Variants in EYA3 observed in about 807,000 individuals in gnomAD.
EYA3 encodes protein phosphatase EYA3.
EYA3 carries 39 observed loss-of-function variants against 80.0 expected under a neutral mutation model. The ratio of observed to expected loss-of-function variants is 0.49; its 90% CI spans 0.38 to 0.64. The LOEUF is 0.64. Among genes scored for constraint, EYA3 ranks in the 30% least tolerant of loss-of-function variants. The probability of loss-of-function intolerance (pLI) is 0.00; values close to 1 mark genes in which losing one functional copy is unlikely to be tolerated. For synonymous variants in EYA3, 206 were observed against 232.8 expected, an observed-to-expected ratio of 0.88 and a Z score of 1.05; for missense variants, 523 against 676.1, an observed-to-expected ratio of 0.77 and a Z score of 2.51.
At chr1:27,992,882 T>G (rs955597490) in intron 14 of EYA3, among the ~76,000 whole-genome samples, 1 of 152,226 alleles carries the variant, frequency 6.6e-6, no homozygotes, top group Non-Finnish European at 1.5e-5. Flanking sequence ...TTCTAAATAA[T>G]AGAATTTTAG....
At chr1:27,993,916 G>A (rs1471103461) in intron 13 of EYA3, among the ~76,000 whole-genome samples, 1 of 152,160 alleles carries the variant, frequency 6.6e-6, no homozygotes, top group East Asian at 1.9e-4. Context: ...CACACACAGT[G>A]ATTGCAACTA....
At chr1:27,979,154 T>G (rs1639141375) in intron 16 of EYA3, among the ~76,000 whole-genome samples, 1 of 152,174 alleles carries the variant, frequency 6.6e-6, no homozygotes, top group Non-Finnish European at 1.5e-5. Flanking sequence ...CTGGTCATTG[T>G]GTCATAATGA....
intron 1 of EYA3, among the ~76,000 whole-genome samples, chr1:28,081,094 T>C (rs1645410609): frequency 6.6e-6 from 1 of 152,098 alleles, no homozygotes; most frequent in Non-Finnish European, 1.5e-5. Context: ...TAAGCAAGCC[T>C]CTGAAAGAGA....
rs1639823931 is a variant in EYA3, at chr1:27,988,650, A to G, written c.1425T>C (p.Asn475=). ...KSLLLIQSRK[N]CVNVLITTTQ... is the part of the protein sequence containing the mutation. The stretch of plus-strand genomic sequence containing the variant: ...TGGTAGTGATCAGAACATTCACACA[A>G]TTCTTTCTATAAGGGAGTAAAAGGG... Residue 475 remains asparagine, a synonymous_variant, in exon 16 of 18, where the codon AAT becomes AAC. Coordinates refer to ENST00000373871, the MANE Select transcript of EYA3 (RefSeq NM_001990.4). 6.2e-7 allele frequency: 1 copy of G among 1,613,684 alleles called. No individual in the cohort carries two copies.
intron 1 of EYA3, among the ~76,000 whole-genome samples, chr1:28,084,013 A>G (rs962068946): frequency 1.3e-5 from 2 of 152,224 alleles, no homozygotes; most frequent in South Asian, 2.1e-4. Context: ...ACCACAGCTA[A>G]TAAGTTAAAG....
At chr1:28,071,109 A>G (rs1477674191) in intron 1 of EYA3, among the ~76,000 whole-genome samples, 2 of 152,116 alleles carry the variant, frequency 1.3e-5, no homozygotes, top group Non-Finnish European at 2.9e-5. Context: ...TTTTTAGTAG[A>G]GATGGGGTTT....
At chr1:28,077,953 C>A (rs1444807600) in intron 1 of EYA3, among the ~76,000 whole-genome samples, 1 of 152,112 alleles carries the variant, frequency 6.6e-6, no homozygotes, top group African/African-American at 2.4e-5. Context: ...AGAACTAAGT[C>A]TTTTGAAATC....
intron 1 of EYA3, among the ~76,000 whole-genome samples, chr1:28,064,074 T>C (rs1297481939): frequency 1.3e-5 from 2 of 152,190 alleles, no homozygotes; most frequent in Non-Finnish European, 2.9e-5. Flanking sequence ...TCAACAGTAG[T>C]GGCTTAATTA....
chr1:27,986,604 C>G (rs1487438690), intron 16 of EYA3, among the ~76,000 whole-genome samples: 1 of 151,992 alleles, frequency 6.6e-6, no homozygotes, highest in East Asian at 2.0e-4. Context: ...ACCATTGTGG[C>G]CAGGCTGGTC....
intron 2 of EYA3, among the ~76,000 whole-genome samples, chr1:28,052,090 C>T (rs546960977): frequency 3.8e-4 from 58 of 152,216 alleles, no homozygotes; most frequent in African/African-American, 1.4e-3. Context: ...CTCACTGCAA[C>T]CTCCACCTCC....
chr1:28,084,524 G>T (rs1645540862), intron 1 of EYA3, among the ~76,000 whole-genome samples: 1 of 115,914 alleles, frequency 8.6e-6, no homozygotes, highest in Non-Finnish European at 1.7e-5. Context: ...AAACCAATTA[G>T]ATGAACATCT....
In EYA3 at chr1:27,988,531, A is replaced by G. The variant is rs761227284; in HGVS notation, c.1540+4T>C. The G allele has an allele frequency of 1.2e-6, 2 of 1,612,534 alleles. No individual in the cohort carries two copies. The highest frequency in any genetic ancestry group is 1.7e-6 in the Non-Finnish European group (2 of 1,179,604). On this transcript the variant is annotated splice_donor_region_variant and intron_variant, in intron 16 of 17. Coordinates refer to ENST00000373871, the MANE Select transcript of EYA3 (RefSeq NM_001990.4). ...AGTGACAAGAAACAGCATAGAAACC[A>G]TACCAATTTTGGTAGCACTATAGAT...
chr1:27,977,236 G>A (rs1638977253), intron 17 of EYA3: 1 of 1,532,066 alleles, frequency 6.5e-7, no homozygotes, highest in Admixed American at 2.1e-5. Context: ...GCTACATAAA[G>A]TGACAAATGA....
intron 13 of EYA3, 27 bp from the exon 14 acceptor site, chr1:27,993,587 T>A: frequency 6.4e-7 from 1 of 1,552,214 alleles, no homozygotes; most frequent in African/African-American, 1.4e-5. Flanking sequence ...TAATAAAAAT[T>A]AAAATTTATA....
At chr1:28,084,735 A>T (rs974056032) in intron 1 of EYA3, among the ~76,000 whole-genome samples, 1 of 147,614 alleles carries the variant, frequency 6.8e-6, no homozygotes, top group Non-Finnish European at 1.5e-5. Context: ...CAGTCTCCCG[A>T]GTAGCTGGGA....
At chr1:27,984,529 T>C (rs768323201) in intron 16 of EYA3, among the ~76,000 whole-genome samples, 15 of 152,310 alleles carry the variant, frequency 9.8e-5, no homozygotes, top group Non-Finnish European at 2.1e-4. Flanking sequence ...CTGTAATTTA[T>C]TTTTGCATAT....
intron 14 of EYA3, among the ~76,000 whole-genome samples, chr1:27,992,816 A>C (rs1403205706): frequency 6.6e-6 from 1 of 152,212 alleles, no homozygotes; most frequent in Non-Finnish European, 1.5e-5. Context: ...CTGTAAAATG[A>C]GGAATTCAGA....
chr1:28,004,963 A>G (rs1040447069), intron 10 of EYA3, among the ~76,000 whole-genome samples: 2 of 152,178 alleles, frequency 1.3e-5, no homozygotes, highest in African/African-American at 4.8e-5. Flanking sequence ...GGGAAAAAAA[A>G]GAAGATTCAA....
At chr1:28,047,185 T>C (rs1571888777) in intron 3 of EYA3, among the ~76,000 whole-genome samples, 3 of 151,424 alleles carry the variant, frequency 2.0e-5, no homozygotes, top group South Asian at 4.2e-4. Flanking sequence ...CAGGCTGGAG[T>C]GCAGTGGCGC....
Sources: gnomAD v4.1 joint callset for allele counts (sites outside exome capture counted in the v4.1 genomes callset) on GRCh38, gnomAD v4.1.1 for gene constraint, MANE v1.5 for transcripts, NCBI Gene and HGNC (gene_info 2026-07-23, HGNC 2026-07-21) for gene names.